USP49: variants seen among roughly 807,000 people sequenced by gnomAD.
USP49 encodes the protein ubiquitin specific peptidase 49.
A neutral mutation model predicts 58.6 loss-of-function variants in USP49; 24 were observed. The ratio of observed to expected loss-of-function variants is 0.41; its 90% CI spans 0.30 to 0.58. The LOEUF (loss-of-function observed/expected upper bound fraction) is 0.58. Among genes scored for constraint, USP49 ranks in the 20% least tolerant of loss-of-function variants. The pLI, the probability that USP49 is intolerant of heterozygous loss-of-function variation, is 0.30. For missense variants in USP49, 703 were observed against 866.1 expected, an observed-to-expected ratio of 0.81 and a Z score of 2.36; for synonymous variants, 408 against 365.1, an observed-to-expected ratio of 1.12 and a Z score of -1.34.
At chr6:41,876,347 G>A (rs1774504664) in intron 2 of USP49, among the ~76,000 whole-genome samples, 1 of 151,558 alleles carries the variant, frequency 6.6e-6, no homozygotes, top group Admixed American at 6.6e-5. Context: ...AAGTCTATAA[G>A]AATGACATAT....
At chr6:41,808,066 T>C (rs1773175254) in intron 3 of USP49, among the ~76,000 whole-genome samples, 1 of 152,074 alleles carries the variant, frequency 6.6e-6, no homozygotes, top group African/African-American at 2.4e-5. Context: ...CACGAGCCAC[T>C]GCGCCCAGCC....
intron 3 of USP49, among the ~76,000 whole-genome samples, chr6:41,866,281 C>T (rs2127357162): frequency 6.6e-6 from 1 of 152,208 alleles, no homozygotes; most frequent in South Asian, 2.1e-4. Flanking sequence ...ATCCTCAGCA[C>T]TCAGCCACTG....
At chr6:41,821,185 C>T (rs927393120) in intron 3 of USP49, among the ~76,000 whole-genome samples, 1 of 152,090 alleles carries the variant, frequency 6.6e-6, no homozygotes, top group Non-Finnish European at 1.5e-5. Context: ...TTGAAAAACA[C>T]CTCCCACCTG....
At chr6:41,820,904 C>T (rs887283853) in intron 3 of USP49, among the ~76,000 whole-genome samples, 5 of 152,000 alleles carry the variant, frequency 3.3e-5, no homozygotes, top group African/African-American at 1.2e-4. Context: ...GGGAGACTGA[C>T]ATGGGAGGAT....
intron 3 of USP49, among the ~76,000 whole-genome samples, chr6:41,860,502 G>GTTTA (rs773602486): frequency 1.4e-4 from 22 of 151,780 alleles, no homozygotes; most frequent in East Asian, 3.9e-4. Flanking sequence ...TTTATTATTT[G>GTTTA]TTTATTTATT....
intron 3 of USP49, among the ~76,000 whole-genome samples, chr6:41,850,789 G>A (rs1289400432): frequency 1.3e-5 from 2 of 151,856 alleles, no homozygotes; most frequent in East Asian, 1.9e-4. Context: ...TTTTAGTAGA[G>A]ATGCGGTTTC....
At chr6:41,832,125 T>C (rs1312162861) in intron 3 of USP49, among the ~76,000 whole-genome samples, 1 of 152,162 alleles carries the variant, frequency 6.6e-6, no homozygotes, top group Non-Finnish European at 1.5e-5. Flanking sequence ...GTTTTTTTTT[T>C]ACCATTCACC....
chr6:41,833,166 G>A (rs892306919), intron 3 of USP49, among the ~76,000 whole-genome samples: 3 of 151,674 alleles, frequency 2.0e-5, no homozygotes, highest in Admixed American at 1.3e-4. Context: ...ACAGGTGCCC[G>A]CCACCATGCC....
intron 3 of USP49, among the ~76,000 whole-genome samples, chr6:41,857,457 C>T (rs757320076): frequency 6.6e-6 from 1 of 152,116 alleles, no homozygotes; most frequent in Non-Finnish European, 1.5e-5. Context: ...CCAGCCTGGA[C>T]AACATGGCAA....
chr6:41,799,014 T>A (rs754075970), intron 6 of USP49, 85 bp from the exon 7 acceptor site: 363 of 1,490,110 alleles, frequency 2.4e-4, no homozygotes, highest in Non-Finnish European at 2.9e-4. Flanking sequence ...AACAGGAAAC[T>A]GAGAAAATTT....
At chr6:41,813,249 A>G (rs1773290023) in intron 3 of USP49, among the ~76,000 whole-genome samples, 2 of 152,164 alleles carry the variant, frequency 1.3e-5, no homozygotes, top group Non-Finnish European at 2.9e-5. Context: ...TCACATCTGA[A>G]TAGCCTCCTC....
At chr6:41,890,270 T>C (rs971655104) in intron 2 of USP49, among the ~76,000 whole-genome samples, 1 of 151,200 alleles carries the variant, frequency 6.6e-6, no homozygotes, top group African/African-American at 2.4e-5. Context: ...TCCCAGCTAC[T>C]AGGGAGGCTG....
intron 3 of USP49, among the ~76,000 whole-genome samples, chr6:41,831,715 C>T (rs1324484962): frequency 6.6e-6 from 1 of 152,178 alleles, no homozygotes; most frequent in Non-Finnish European, 1.5e-5. Flanking sequence ...AAAACCACCA[C>T]CACAACAACC....
At chr6:41,811,922 T>C (rs1214846876) in intron 3 of USP49, among the ~76,000 whole-genome samples, 2 of 152,116 alleles carry the variant, frequency 1.3e-5, no homozygotes, top group Admixed American at 1.3e-4. Flanking sequence ...ACAATTCCTG[T>C]TTCTCACTCT....
At position 41,806,989 on chromosome 6, in the gene USP49, A is replaced by G. The variant is rs1581994007; in HGVS notation, c.-6T>C. 6.7e-7 allele frequency: 1 copy of G among 1,498,144 alleles called. No individual in the cohort carries two copies. The highest frequency in any genetic ancestry group is 9.0e-7 in the Non-Finnish European group (1 of 1,113,650). The allele number at this position is 1,498,144 out of a possible 1,614,324, so 92.8% of individuals were successfully genotyped here. A position where few individuals can be genotyped will look rare whatever the true frequency, so the allele number is the denominator to read the frequency against. On this transcript the variant is annotated 5_prime_UTR_variant, in exon 4 of 8. An upstream open reading frame in the 5' UTR loses its in-frame stop. Coordinates refer to ENST00000682992, the MANE Select transcript of USP49 (RefSeq NM_001286554.2). This position sits in a 1 kb window ranked among gnomAD's most constrained non-coding sequence, Gnocchi z 5.9. ...ACATGTTTGCATCTATCCATGTCTT[A>G]TAGAAGTCGCCACTTTCTCAACCTG...
chr6:41,840,375 A>T (rs1407999595), intron 3 of USP49, among the ~76,000 whole-genome samples: 1 of 146,430 alleles, frequency 6.8e-6, no homozygotes, highest in Non-Finnish European at 1.5e-5. Context: ...CTCCGTCTCA[A>T]AAAAAAAAAA....
intron 5 of USP49, among the ~76,000 whole-genome samples, chr6:41,802,475 A>T (rs9471664): frequency 0.19 from 11,791 of 61,968 alleles, 1,163 homozygotes; most frequent in Middle Eastern, 0.24. Context: ...TTTATTTTTT[A>T]TTTATTTTTT....
At chr6:41,840,159 G>A (rs1359593766) in intron 3 of USP49, among the ~76,000 whole-genome samples, 1 of 151,808 alleles carries the variant, frequency 6.6e-6, no homozygotes, top group African/African-American at 2.4e-5. Context: ...CGGATCGTGA[G>A]GTCAGGAGAA....
intron 3 of USP49, among the ~76,000 whole-genome samples, chr6:41,869,209 C>T (rs1774374138): frequency 6.6e-6 from 1 of 151,292 alleles, no homozygotes; most frequent in African/African-American, 2.4e-5. Context: ...GCTGACAAGC[C>T]ATACAAACAG....
Sources: gnomAD v4.1 joint callset for allele counts (sites outside exome capture counted in the v4.1 genomes callset) on GRCh38, gnomAD v4.1.1 for gene constraint, Gnocchi (gnomAD v3.1) non-coding constraint, MANE v1.5 for transcripts, NCBI Gene and HGNC (gene_info 2026-07-23, HGNC 2026-07-21) for gene names.